IGSF10: variants seen among roughly 807,000 people sequenced by gnomAD.
IGSF10 encodes immunoglobulin superfamily member 10.
IGSF10 carries 126 observed loss-of-function variants against 128.2 expected under a neutral mutation model. The observed-to-expected ratio is 0.98, with a 90% CI of 0.85 to 1.14. IGSF10 has a LOEUF of 1.14. Ranked by LOEUF, IGSF10 falls within the 50% of genes most tolerant of loss-of-function variation. The probability of loss-of-function intolerance (pLI) is 0.00; values close to 1 mark genes in which losing one functional copy is unlikely to be tolerated. For missense variants in IGSF10, 3,295 were observed against 3,149.8 expected (o/e 1.05, Z -1.10); for synonymous variants, 1,185 against 1,146.2 (o/e 1.03, Z -0.68).
chr3:151,586,436 GCAC>G, the IGSF10 span, among the ~76,000 whole-genome samples: 1 of 151,930 alleles, frequency 6.6e-6, no homozygotes, highest in Non-Finnish European at 1.5e-5. Context: ...TTATTAATTA[GCAC>G]CAAGAAATAT....
the IGSF10 span, among the ~76,000 whole-genome samples, chr3:151,525,546 G>T: frequency 6.6e-6 from 1 of 152,108 alleles, no homozygotes; most frequent in Non-Finnish European, 1.5e-5. Context: ...TTGAGATCAC[G>T]GTGCCAGCCA....
chr3:151,593,228 T>G, the IGSF10 span, among the ~76,000 whole-genome samples: 1 of 151,928 alleles, frequency 6.6e-6, no homozygotes, highest in Non-Finnish European at 1.5e-5. Flanking sequence ...TTCTCCCACC[T>G]CAGCCTTCTG....
chr3:151,607,232 G>A, the IGSF10 span, among the ~76,000 whole-genome samples: 9 of 152,154 alleles, frequency 5.9e-5, no homozygotes, highest in African/African-American at 2.2e-4. Flanking sequence ...TCAAGTGAGG[G>A]ATACTAAGGA....
chr3:151,526,113 T>C, the IGSF10 span, among the ~76,000 whole-genome samples: 2 of 152,216 alleles, frequency 1.3e-5, no homozygotes, highest in East Asian at 3.8e-4. Context: ...ATAACCATGA[T>C]ACTTCTGGCT....
the IGSF10 span, among the ~76,000 whole-genome samples, chr3:151,608,457 G>A: frequency 1.3e-5 from 2 of 152,190 alleles, no homozygotes; most frequent in African/African-American, 4.8e-5. Flanking sequence ...GGTTTCATTG[G>A]AAGAGACCAA....
chr3:151,501,321 T>C, the IGSF10 span, among the ~76,000 whole-genome samples: 1 of 152,086 alleles, frequency 6.6e-6, no homozygotes, highest in Non-Finnish European at 1.5e-5. Flanking sequence ...AGTTATTAGT[T>C]TCTACTGCTC....
At chr3:151,562,726 A>G in the IGSF10 span, among the ~76,000 whole-genome samples, 1 of 152,046 alleles carries the variant, frequency 6.6e-6, no homozygotes, top group Non-Finnish European at 1.5e-5. Context: ...GAAGTGCTCT[A>G]CTGTGGTGCC....
chr3:151,464,844 A>T (rs1233927836), upstream of IGSF10, among the ~76,000 whole-genome samples: 2 of 152,238 alleles, frequency 1.3e-5, no homozygotes, highest in East Asian at 3.8e-4. Context: ...AAAAGGAGGT[A>T]GAAAGAAAAT....
the IGSF10 span, among the ~76,000 whole-genome samples, chr3:151,542,342 CCTTA>C: frequency 1.3e-4 from 19 of 151,912 alleles, no homozygotes; most frequent in African/African-American, 4.6e-4. Context: ...CGAAAATCTC[CCTTA>C]CTTTAACATA....
chr3:151,451,146 C>T (rs935785589), intron 5 of IGSF10, among the ~76,000 whole-genome samples: 1 of 152,132 alleles, frequency 6.6e-6, no homozygotes, highest in African/African-American at 2.4e-5. Context: ...CCCCCATTCC[C>T]TCGGTTCCAG....
In IGSF10 at chr3:151,436,570, A is replaced by G; in HGVS notation, c.*119T>C. 1.5e-6 allele frequency: 1 copy of G among 667,026 alleles called. No homozygotes were observed. The highest frequency in any genetic ancestry group is 2.5e-6 in the Non-Finnish European group (1 of 395,746). The allele number at this position is 667,026 out of a possible 1,614,324, so 41.3% of individuals were successfully genotyped here. A position where few individuals can be genotyped will look rare whatever the true frequency, so the allele number is the denominator to read the frequency against. Reference sequence around the variant, plus strand: ...ACAAGTCCTTTTATTTTGCATGTTCATTGTAAATTTAATACTGTAAATGTA... The same window carrying G: ...ACAAGTCCTTTTATTTTGCATGTTCGTTGTAAATTTAATACTGTAAATGTA... On this transcript the variant is annotated 3_prime_UTR_variant, in exon 8 of 8. Coordinates refer to ENST00000282466, the MANE Select transcript of IGSF10 (RefSeq NM_178822.5).
At position 151,446,940 on chromosome 3, in the gene IGSF10, C is replaced by T; in HGVS notation, c.3041G>A (p.Arg1014Lys). Residue 1014 changes from arginine (R) to lysine (K), a missense_variant, in exon 6 of 8, where the codon AGG becomes AAG. Physicochemically the swap from Arg to Lys is conservative, Grantham distance 26. Coordinates refer to ENST00000282466, the MANE Select transcript of IGSF10 (RefSeq NM_178822.5). ...AATCCGCCCCCTTCCGCCAATTTTC[C>T]TCTGCCTCCCAAAGCGTCTGAACAG... ...IPLFRRFGRQ[R>K]KIGGRGRIIS... 1 of 1,614,212 alleles carries T rather than the reference C, an allele frequency of 6.2e-7. No homozygotes were observed. The highest frequency in any genetic ancestry group is 8.5e-7 in the Non-Finnish European group (1 of 1,180,026).
the IGSF10 span, among the ~76,000 whole-genome samples, chr3:151,473,516 T>C: frequency 6.6e-6 from 1 of 152,246 alleles, no homozygotes; most frequent in Non-Finnish European, 1.5e-5. Flanking sequence ...GATTTGGGAA[T>C]TACCTATGTT....
chr3:151,573,522 T>C, the IGSF10 span, among the ~76,000 whole-genome samples: 1 of 152,216 alleles, frequency 6.6e-6, no homozygotes. Context: ...TGGTTTAAAG[T>C]GTGTTTTATC....
chr3:151,450,929 C>T (rs1385744003), intron 5 of IGSF10, among the ~76,000 whole-genome samples: 1 of 149,714 alleles, frequency 6.7e-6, no homozygotes, highest in Admixed American at 6.6e-5. Flanking sequence ...GAGTTGCCTC[C>T]CCATCACCCA....
At chr3:151,465,146 A>AT (rs1722234706), upstream of IGSF10, among the ~76,000 whole-genome samples, 1 of 152,258 alleles carries the variant, frequency 6.6e-6, no homozygotes. Flanking sequence ...ATAAATAAAG[A>AT]TTTTAGATCT....
the IGSF10 span, among the ~76,000 whole-genome samples, chr3:151,538,435 T>C: frequency 1.3e-5 from 2 of 152,182 alleles, no homozygotes; most frequent in Non-Finnish European, 1.5e-5. Flanking sequence ...AAGGACATTA[T>C]AATGGTTTAA....
At chr3:151,451,148 C>G (rs1193933889) in intron 5 of IGSF10, among the ~76,000 whole-genome samples, 1 of 152,130 alleles carries the variant, frequency 6.6e-6, no homozygotes, top group Admixed American at 6.5e-5. Flanking sequence ...CCCATTCCCT[C>G]GGTTCCAGCC....
the IGSF10 span, among the ~76,000 whole-genome samples, chr3:151,491,588 C>T: frequency 1.3e-5 from 2 of 152,018 alleles, no homozygotes; most frequent in South Asian, 4.1e-4. Flanking sequence ...AATAGACAAA[C>T]AAACAAACAA....
Sources: allele counts gnomAD v4.1 joint callset (sites outside exome capture counted in the v4.1 genomes callset), GRCh38; gene constraint gnomAD v4.1.1; transcripts MANE v1.5; gene names NCBI Gene and HGNC (gene_info 2026-07-23, HGNC 2026-07-21).